Variants in ZRANB2 observed in about 807,000 individuals in gnomAD.
The protein encoded by ZRANB2 is zinc finger RANBP2-type containing 2, also known as zinc finger Ran-binding domain-containing protein 2.
In ZRANB2, 19 loss-of-function variants were observed where a neutral mutation model predicts 53.4. That is an observed-to-expected ratio of 0.36 (90% CI 0.25 to 0.52). The LOEUF (loss-of-function observed/expected upper bound fraction) is 0.52, where lower values mean the gene tolerates loss of function less well. Among genes scored for constraint, ZRANB2 ranks in the 20% least tolerant of loss-of-function variants. The pLI is 0.93. For missense variants in ZRANB2, 309 were observed against 401.1 expected (o/e 0.77, Z 1.96); for synonymous variants, 145 against 134.8 (o/e 1.08, Z -0.52).
intron 1 of ZRANB2, among the ~76,000 whole-genome samples, chr1:71,079,833 A>T (rs1573063771): frequency 6.6e-6 from 1 of 152,198 alleles, no homozygotes; most frequent in South Asian, 2.1e-4. Flanking sequence ...ACTCAGAGCA[A>T]TACTATCCAT....
chr1:71,065,659 T>C (rs1661409700), intron 9 of ZRANB2: 2 of 1,603,006 alleles, frequency 1.2e-6, no homozygotes, highest in African/African-American at 2.7e-5. Flanking sequence ...GCAGCTAGTA[T>C]GAATAAGTCA....
chr1:71,078,093 T>C (rs1557794933), intron 3 of ZRANB2, among the ~76,000 whole-genome samples: 1 of 152,136 alleles, frequency 6.6e-6, no homozygotes, highest in Non-Finnish European at 1.5e-5. Context: ...ACAGGCAAAA[T>C]GAGTTTTGTG....
Position 71,080,956 on chromosome 1 carries a change from T to G in ZRANB2, c.40A>C (p.Ile14Leu). 1 of 1,614,104 alleles carries G rather than the reference T, an allele frequency of 6.2e-7. No individual in the cohort carries two copies. Among genetic ancestry groups the G allele is most frequent in the Non-Finnish European group, 8.5e-7 (1 of 1,180,010 alleles). ...KNFRVSDGDW[I>L]CPDKKCGNVN... ...TGAACTCACTTTTTGTCAGGGCAAA[T>G]CCAGTCCCCGTCACTGACTCGGAAA... Residue 14 changes from isoleucine (I) to leucine (L), a missense_variant, in exon 1 of 10, where the codon ATT becomes CTT. By Grantham distance (5) the Ile-to-Leu change is conservative (BLOSUM62 2). Around this residue, in one of 3 missense-constraint regions of ZRANB2, gnomAD observed 24 missense variants for 24.9 expected, o/e 0.96. Transcript: ENST00000370920.
chr1:71,070,970 G>A lies in ZRANB2; in HGVS notation c.540C>T (p.Leu180=). Reference sequence around the variant, plus strand: ...CACTGGCATCAAGATTATATTTTGAGAGATCAGCGTCATCTTCATCCTCAT... The same window carrying A: ...CACTGGCATCAAGATTATATTTTGAAAGATCAGCGTCATCTTCATCCTCAT... ...DEDEDEDDAD[L]SKYNLDASEE... Residue 180 remains leucine (L), a synonymous_variant, in exon 7 of 10, where the codon CTC becomes CTT. Transcript: ENST00000370920. 2 of 1,601,632 alleles carry A rather than the reference G, an allele frequency of 1.2e-6. No individual in the cohort carries two copies. Among genetic ancestry groups the A allele is most frequent in the South Asian group, 1.1e-5 (1 of 89,452 alleles).
rs1661453718 is a variant in ZRANB2, at chr1:71,066,841, A to G, written c.864T>C (p.Ser288=). ...SSSPERNRKR[S]RSRSSSSGDR... ...CACCAGATGAAGAAGATCTAGAACGACTTCTCTTTCTGTTCCTCTCAGGAG... is the reference window on the plus strand; with the variant it reads ...CACCAGATGAAGAAGATCTAGAACGGCTTCTCTTTCTGTTCCTCTCAGGAG... Residue 288 remains serine, a synonymous_variant, in exon 9 of 10, where the codon AGT becomes AGC. Coordinates refer to ENST00000370920, the MANE Select transcript of ZRANB2 (RefSeq NM_203350.3). 2.5e-6 allele frequency: 4 copies of G among 1,612,600 alleles called. No homozygotes were observed. The highest frequency in any genetic ancestry group is 3.4e-6 in the Non-Finnish European group (4 of 1,179,534).
chr1:71,064,885 C>T lies in ZRANB2; in HGVS notation c.*189G>A, dbSNP rs1661385861. The T allele has an allele frequency of 6.6e-6, 3 of 454,242 alleles. No individual in the cohort carries two copies. The highest frequency in any genetic ancestry group is 4.0e-5 in the African/African-American group (2 of 49,512). 28.1% of individuals were successfully genotyped at this position (454,242 alleles called of 1,614,324 possible). On this transcript the variant is annotated 3_prime_UTR_variant, in exon 10 of 10. Coordinates refer to ENST00000370920, the MANE Select transcript of ZRANB2 (RefSeq NM_203350.3). Reference sequence around the variant, plus strand: ...GAATGACAGAACATCTATTTTGGGACATTATGGCTTAAAATGCTATTTACT... The same window carrying T: ...GAATGACAGAACATCTATTTTGGGATATTATGGCTTAAAATGCTATTTACT...
chr1:71,076,610 A>G (rs17090798), intron 4 of ZRANB2, among the ~76,000 whole-genome samples, 185 bp downstream of exon 4: 3,856 of 152,284 alleles, frequency 0.025, 142 homozygotes, highest in African/African-American at 0.088. Context: ...CTGTTATTTT[A>G]TAAATTGTGA....
At chr1:71,074,336 T>C (rs564006293) in intron 4 of ZRANB2, among the ~76,000 whole-genome samples, 81 of 152,280 alleles carry the variant, frequency 5.3e-4, no homozygotes, top group African/African-American at 1.8e-3. Context: ...TTCCGTAGAT[T>C]TTAGTAAGTC....
At chr1:71,066,301 C>A in intron 9 of ZRANB2, 1 of 154,184 alleles carries the variant, frequency 6.5e-6, no homozygotes, top group Non-Finnish European at 1.4e-5. Context: ...GAATAATTTC[C>A]TTATAGACAA....
intron 4 of ZRANB2, 27 bp downstream of exon 4, chr1:71,076,768 T>C (rs1348416156): frequency 6.5e-7 from 1 of 1,536,852 alleles, no homozygotes; most frequent in African/African-American, 1.4e-5. Flanking sequence ...AAAAAAATCA[T>C]TTAGTTACAA....
intron 4 of ZRANB2, among the ~76,000 whole-genome samples, chr1:71,073,403 C>T (rs953063916): frequency 1.3e-5 from 2 of 151,648 alleles, no homozygotes; most frequent in African/African-American, 2.4e-5. Context: ...ACAATAAGGC[C>T]GGTGATTTCC....
At chr1:71,072,048 G>C in intron 6 of ZRANB2, 73 bp downstream of exon 6, 2 of 1,539,698 alleles carry the variant, frequency 1.3e-6, no homozygotes, top group Admixed American at 4.5e-5. Flanking sequence ...AGTGTCTGAG[G>C]CTGTCAAAAG....
rs79917829 is a variant in ZRANB2 at position 71,075,153 on chromosome 1, G to A, written c.301+1642C>T. Among the ~76,000 whole-genome samples the A allele has an allele frequency of 6.2e-3, 943 of 152,058 alleles. 28 individuals carry two copies. Among genetic ancestry groups the A allele is most frequent in the Admixed American group, 0.055 (833 of 15,272 alleles). ...TTTATCCTAAAAGCAATCAAAATGG[G>A]TTTTTTAAAAAAGGATTTTAAATTT... On this transcript the variant is annotated intron_variant, in intron 4 of 9. Coordinates refer to ENST00000370920, the MANE Select transcript of ZRANB2 (RefSeq NM_203350.3).
Position 71,064,126 on chromosome 1 carries a change from T to C in ZRANB2, c.*948A>G, listed in dbSNP as rs1009455590. On this transcript the variant is annotated 3_prime_UTR_variant, in exon 10 of 10. Transcript: ENST00000370920. The stretch of plus-strand genomic sequence containing the variant: ...TGCAGCAATAAGCATTCATTTGTTA[T>C]TCAGAAGAAAATTGTATGCAGTGTG... The C allele has an allele frequency of 2.0e-5, 3 of 152,458 alleles. No individual in the cohort carries two copies. Among genetic ancestry groups the C allele is most frequent in the African/African-American group, 7.2e-5 (3 of 41,436 alleles). The allele number at this position is 152,458 out of a possible 1,614,324, so 9.4% of individuals were successfully genotyped here. A position where few individuals can be genotyped will look rare whatever the true frequency, so the allele number is the denominator to read the frequency against.
intron 5 of ZRANB2, 30 bp from the exon 6 acceptor site, chr1:71,072,285 C>T: frequency 6.3e-7 from 1 of 1,590,516 alleles, no homozygotes; most frequent in Non-Finnish European, 8.6e-7. Context: ...AAATGCTTGT[C>T]AGCTGATAAT....
chr1:71,078,450 A>G lies in ZRANB2; in HGVS notation c.218+7T>C. 2.5e-6 allele frequency: 4 copies of G among 1,609,430 alleles called. No homozygotes were observed. The highest frequency in any genetic ancestry group is 3.4e-6 in the Non-Finnish European group (4 of 1,177,180). On this transcript the variant is annotated splice_region_variant and intron_variant, in intron 3 of 9. Coordinates refer to ENST00000370920, the MANE Select transcript of ZRANB2 (RefSeq NM_203350.3). The stretch of plus-strand genomic sequence containing the variant: ...AGAAAGAGCAGACAATAATTTAAAA[A>G]ACATACGTTTTACATTGCCAGTCAT...
At chr1:71,078,068 A>AAC (rs897205689) in intron 3 of ZRANB2, among the ~76,000 whole-genome samples, 1 of 152,164 alleles carries the variant, frequency 6.6e-6, no homozygotes, top group Admixed American at 6.5e-5. Flanking sequence ...TTATGAATCT[A>AAC]ACATTATTTT....
intron 4 of ZRANB2, among the ~76,000 whole-genome samples, chr1:71,076,273 C>G (rs1557794162): frequency 6.6e-6 from 1 of 152,182 alleles, no homozygotes; most frequent in South Asian, 2.1e-4. Flanking sequence ...CAATGATTAT[C>G]AAACACCATC....
At chr1:71,069,893 A>G (rs1302176274) in intron 7 of ZRANB2, among the ~76,000 whole-genome samples, 1 of 152,158 alleles carries the variant, frequency 6.6e-6, no homozygotes, top group Non-Finnish European at 1.5e-5. Context: ...TTATTGGAAA[A>G]TATGACACAA....
Sources: allele counts gnomAD v4.1 joint callset (sites outside exome capture counted in the v4.1 genomes callset), GRCh38; gene constraint gnomAD v4.1.1; regional missense constraint gnomAD v4.1.1; transcripts MANE v1.5; gene names NCBI Gene and HGNC (gene_info 2026-07-23, HGNC 2026-07-21).